The following CLC variants were observed in gnomAD, a reference collection of about 807,000 sequenced individuals.
CLC encodes the protein Charcot-Leyden crystal galectin.
A neutral mutation model predicts 13.9 loss-of-function variants in CLC; 15 were observed. That is an observed-to-expected ratio of 1.08 (90% CI 0.72 to 1.66). The LOEUF is 1.66. Ranked by LOEUF, CLC falls within the 40% of genes most tolerant of loss-of-function variation. The pLI, the probability that CLC is intolerant of heterozygous loss-of-function variation, is 0.00. For synonymous variants in CLC, 68 were observed against 59.9 expected, an observed-to-expected ratio of 1.14 and a Z score of -0.63; for missense variants, 161 against 169.1, an observed-to-expected ratio of 0.95 and a Z score of 0.27.
chr19:39,733,890 T>C (rs1401691486), intron 3 of CLC: 23 of 968,060 alleles, frequency 2.4e-5, no homozygotes, highest in Non-Finnish European at 2.8e-5. Flanking sequence ...GTATATCTTA[T>C]CCATTTAGCT....
chr19:39,737,839 A>T, intron 1 of CLC, 99 bp downstream of exon 1: 1 of 1,237,830 alleles, frequency 8.1e-7, no homozygotes, highest in Non-Finnish European at 1.2e-6. Context: ...TCAGTAAAGC[A>T]TTCACAGTAG....
intron 1 of CLC, 54 bp downstream of exon 1, chr19:39,737,884 C>T (rs1967337729): frequency 6.4e-7 from 1 of 1,568,070 alleles, no homozygotes; most frequent in African/African-American, 1.4e-5. Context: ...AAATCTCCCT[C>T]TTCCCTTTTC....
Position 39,735,090 on chromosome 19 carries a change from A to G in CLC, c.16-17T>C. The G allele has an allele frequency of 6.2e-7, 1 of 1,600,048 alleles. No homozygotes were observed. ...GTATGGCACCTGCCAGGGGATTGAG[A>G]GTGGGTGAGAGAGGCAGGGCCAGGT... On this transcript the variant is annotated splice_polypyrimidine_tract_variant and intron_variant, in intron 1 of 3. Coordinates refer to ENST00000221804, the MANE Select transcript of CLC (RefSeq NM_001828.6).
At chr19:39,731,533 A>G (rs1967225784) in intron 3 of CLC, 28 bp from the exon 4 acceptor site, 1 of 1,584,460 alleles carries the variant, frequency 6.3e-7, no homozygotes, top group African/African-American at 1.3e-5. Flanking sequence ...TACATCAGAA[A>G]GACAGTATTT....
intron 1 of CLC, 35 bp from the exon 2 acceptor site, chr19:39,735,108 G>C (rs1308579611): frequency 6.9e-7 from 1 of 1,445,618 alleles, no homozygotes; most frequent in African/African-American, 1.4e-5. Flanking sequence ...AGAGAGGCAG[G>C]GCCAGGTGTG....
intron 1 of CLC, among the ~76,000 whole-genome samples, chr19:39,735,854 A>G (rs1967300963): frequency 6.6e-6 from 1 of 152,178 alleles, no homozygotes; most frequent in African/African-American, 2.4e-5. Context: ...AACTGTGAAA[A>G]CAAGATGTGA....
At chr19:39,731,734 ACT>A (rs2144914723) in intron 3 of CLC, among the ~76,000 whole-genome samples, 1 of 152,186 alleles carries the variant, frequency 6.6e-6, no homozygotes. Context: ...AGGCTCTGTC[ACT>A]CTCTGTCACA....
Position 39,734,437 on chromosome 19 carries a change from A to G in CLC, c.149T>C (p.Ile50Thr), listed in dbSNP as rs771329265. ...AAAGCACACTTGGAAATGGAAGACA[A>G]TGTCTGATTCCTCCTTCATCTCAGT... is the stretch of plus-strand genomic sequence containing the variant. ...FHTEMKEESDIVFHFQVCFGR... is the reference protein window; with the variant it reads ...FHTEMKEESDTVFHFQVCFGR... Residue 50 changes from isoleucine to threonine, a missense_variant, in exon 3 of 4, where the codon ATT becomes ACT. By Grantham distance (89) the Ile-to-Thr change is moderately conservative (BLOSUM62 -1). Coordinates refer to ENST00000221804, the MANE Select transcript of CLC (RefSeq NM_001828.6). 2.5e-6 allele frequency: 4 copies of G among 1,614,172 alleles called. No homozygotes were observed. Among genetic ancestry groups the G allele is most frequent in the South Asian group, 1.1e-5 (1 of 91,084 alleles).
In CLC at chr19:39,731,461, G is replaced by T; in HGVS notation, c.348C>A (p.Ile116=). 1 of 1,613,704 alleles carries T rather than the reference G, an allele frequency of 6.2e-7. No homozygotes were observed. The highest frequency in any genetic ancestry group is 1.1e-5 in the South Asian group (1 of 91,058). The change falls in exon 4 of 4, where the codon ATC becomes ATA. Residue 116 remains isoleucine, a synonymous_variant. Coordinates refer to ENST00000221804, the MANE Select transcript of CLC (RefSeq NM_001828.6). The part of the protein sequence containing the change: ...GQSSYTFDHR[I]KPEAVKMVQV... ...GCACCATCTTCACAGCCTCAGGCTTGATTCTATGGTCAAAGGTGTAAGAGG... is the reference window on the plus strand; with the variant it reads ...GCACCATCTTCACAGCCTCAGGCTTTATTCTATGGTCAAAGGTGTAAGAGG...
intron 1 of CLC, among the ~76,000 whole-genome samples, chr19:39,737,354 A>T (rs1967328897): frequency 6.6e-6 from 1 of 151,834 alleles, no homozygotes. Flanking sequence ...GTCACCGGGG[A>T]TCCACAGTGA....
At chr19:39,731,664 T>A (rs1431206491) in intron 3 of CLC, among the ~76,000 whole-genome samples, 159 bp from the exon 4 acceptor site, 1 of 152,224 alleles carries the variant, frequency 6.6e-6, no homozygotes. Context: ...GACTACCTGT[T>A]GTAACTATCT....
intron 3 of CLC, 155 bp downstream of exon 3, chr19:39,734,128 G>A: frequency 1.1e-6 from 1 of 951,210 alleles, no homozygotes. Flanking sequence ...CTGGGACAGG[G>A]GGAGTTATGG....
chr19:39,737,815 C>T (rs1967336666), intron 1 of CLC, 123 bp downstream of exon 1: 1 of 1,035,326 alleles, frequency 9.7e-7, no homozygotes, highest in African/African-American at 1.6e-5. Flanking sequence ...CTCTCTTCCA[C>T]ACACCCACAA....
intron 3 of CLC, among the ~76,000 whole-genome samples, 180 bp from the exon 4 acceptor site, chr19:39,731,685 C>T (rs957346702): frequency 2.6e-5 from 4 of 152,182 alleles, no homozygotes; most frequent in Non-Finnish European, 5.9e-5. Context: ...GAGACAGTTG[C>T]TCACTGTATT....
intron 3 of CLC, among the ~76,000 whole-genome samples, chr19:39,732,093 T>TA (rs1967235534): frequency 7.4e-5 from 11 of 149,134 alleles, no homozygotes; most frequent in South Asian, 2.2e-4. Flanking sequence ...TTATTTTTTT[T>TA]ATTATACTTT....
In CLC at chr19:39,731,466, T is replaced by C. The variant is rs546089464; in HGVS notation, c.343A>G (p.Arg115Gly). 280 of 1,613,698 alleles carry C rather than the reference T, an allele frequency of 1.7e-4. 2 individuals carry two copies. The South Asian group carries it at 2.8e-3, about 16-fold the overall frequency. Residue 115 changes from arginine (R) to glycine (G), a missense_variant, in exon 4 of 4, where the codon AGA (arginine) becomes GGA (glycine). Physicochemically the swap from Arg to Gly is moderately radical, Grantham distance 125. Transcript: ENST00000221804. ...NGQSSYTFDH[R>G]IKPEAVKMVQ... ...ATCTTCACAGCCTCAGGCTTGATTCTATGGTCAAAGGTGTAAGAGGATTGG... is the reference window on the plus strand; with the variant it reads ...ATCTTCACAGCCTCAGGCTTGATTCCATGGTCAAAGGTGTAAGAGGATTGG...
chr19:39,736,052 T>C (rs1419698079), intron 1 of CLC, among the ~76,000 whole-genome samples: 1 of 152,200 alleles, frequency 6.6e-6, no homozygotes, highest in East Asian at 1.9e-4. Context: ...TTATGTTTAA[T>C]TTTATGGGAA....
intron 1 of CLC, 41 bp from the exon 2 acceptor site, chr19:39,735,114 G>A: frequency 7.0e-7 from 1 of 1,436,994 alleles, no homozygotes. Flanking sequence ...GCAGGGCCAG[G>A]TGTGGCCTCC....
chr19:39,734,111 A>G, intron 3 of CLC, 172 bp downstream of exon 3: 9 of 977,842 alleles, frequency 9.2e-6, no homozygotes, highest in Non-Finnish European at 1.1e-5. Context: ...TGTGTGTGAT[A>G]AAAAGCCTGG....
Sources: gnomAD v4.1 joint callset for allele counts (sites outside exome capture counted in the v4.1 genomes callset) on GRCh38, gnomAD v4.1.1 for gene constraint, MANE v1.5 for transcripts, NCBI Gene and HGNC (gene_info 2026-07-23, HGNC 2026-07-21) for gene names.